PDHX: variants seen among roughly 807,000 people sequenced by gnomAD.
PDHX encodes the protein pyruvate dehydrogenase protein X component, mitochondrial.
PDHX carries 33 observed loss-of-function variants against 55.3 expected under a neutral mutation model. The ratio of observed to expected loss-of-function variants is 0.60; its 90% CI spans 0.45 to 0.80. PDHX has a LOEUF of 0.80. PDHX is among the 30% of genes least tolerant of loss of function. The probability of loss-of-function intolerance (pLI) is 0.00; values close to 1 mark genes in which losing one functional copy is unlikely to be tolerated. For missense variants in PDHX, 622 were observed against 619.9 expected (o/e 1.00, Z -0.04); for synonymous variants, 226 against 219.4 (o/e 1.03, Z -0.27).
intron 5 of PDHX, among the ~76,000 whole-genome samples, chr11:34,963,439 G>A (rs965577380): frequency 1.3e-5 from 2 of 152,022 alleles, no homozygotes; most frequent in Non-Finnish European, 2.9e-5. Context: ...ACCATGCCTG[G>A]CTAAATTTTT....
chr11:34,916,586 A>T, upstream of PDHX: 1 of 1,583,262 alleles, frequency 6.3e-7, no homozygotes, highest in South Asian at 1.1e-5. Flanking sequence ...GTGGCCAACC[A>T]TGCGGGAGGC....
rs2134006138 is a variant in PDHX, at chr11:34,992,345, T to C, written c.1213T>C (p.Leu405=). The C allele has an allele frequency of 6.2e-7, 1 of 1,604,160 alleles. No individual in the cohort carries two copies. Among genetic ancestry groups the C allele is most frequent in the Non-Finnish European group, 8.5e-7 (1 of 1,171,516 alleles). ...ALSKKARDGK[L]LPEEYQGGSF... The stretch of plus-strand genomic sequence containing the variant: ...ATCAAAGAAAGCAAGAGATGGAAAA[T>C]TGTTGCCTGAAGAATACCAAGGAGG... Residue 405 remains leucine, a synonymous_variant, in exon 10 of 11, where the codon TTG becomes CTG. Coordinates refer to ENST00000227868, the MANE Select transcript of PDHX (RefSeq NM_003477.3).
intron 5 of PDHX, among the ~76,000 whole-genome samples, chr11:34,961,174 G>A (rs1448974284): frequency 6.6e-6 from 1 of 152,144 alleles, no homozygotes; most frequent in Non-Finnish European, 1.5e-5. Flanking sequence ...GGAGTGAGGG[G>A]TATTTTTATG....
At chr11:34,916,557 A>G, upstream of PDHX, 1 of 1,527,542 alleles carries the variant, frequency 6.5e-7, no homozygotes, top group Non-Finnish European at 8.8e-7. Context: ...ACCTAAAGGC[A>G]CCGCTAGCGT....
At chr11:34,974,597 C>T (rs1855326622) in intron 7 of PDHX, among the ~76,000 whole-genome samples, 1 of 152,120 alleles carries the variant, frequency 6.6e-6, no homozygotes, top group Non-Finnish European at 1.5e-5. Flanking sequence ...ATACTGTTTT[C>T]CTTAGTGGCT....
chr11:34,931,395 C>G lies in PDHX; in HGVS notation c.161-9C>G, dbSNP rs1487428635. ...GTTGTGGCTCATCTTTCCTTTTTTT[C>G]AATTTCAGGTGATCCCATTAAGATA... On this transcript the variant is annotated splice_polypyrimidine_tract_variant and intron_variant, in intron 1 of 10. Transcript: ENST00000227868. 1.3e-6 allele frequency: 2 copies of G among 1,538,112 alleles called. No individual in the cohort carries two copies.
intron 1 of PDHX, among the ~76,000 whole-genome samples, chr11:34,920,064 A>G (rs557520661): frequency 6.6e-6 from 1 of 152,304 alleles, no homozygotes; most frequent in African/African-American, 2.4e-5. Flanking sequence ...TTCTTAGAGG[A>G]AGAGGTGACA....
rs1005465158 is a variant in PDHX, at chr11:34,991,928, A to C, written c.1183-387A>C. ...TCTCAAAAAAAAAAAAAAAAAAAAA[A>C]CTAAAAAACACTAGATTGACCAGAA... On this transcript the variant is annotated intron_variant, in intron 9 of 10. Transcript: ENST00000227868. Among the ~76,000 whole-genome samples, 3 of 149,472 alleles carry C rather than the reference A, an allele frequency of 2.0e-5. No individual in the cohort carries two copies. In the South Asian group the frequency reaches 6.3e-4, roughly 31 times the overall value.
chr11:34,964,870 A>C (rs1855097120), intron 5 of PDHX, among the ~76,000 whole-genome samples: 1 of 140,024 alleles, frequency 7.1e-6, no homozygotes, highest in African/African-American at 3.3e-5. Flanking sequence ...GCATAACTAA[A>C]TATTACATAT....
At chr11:34,974,227 G>A (rs11032958) in intron 7 of PDHX, among the ~76,000 whole-genome samples, 15,322 of 152,082 alleles carry the variant, frequency 0.1, 1,623 homozygotes, top group African/African-American at 0.27. Context: ...CTATAAATTT[G>A]ATGATTCTAA....
At chr11:34,945,428 G>A (rs1485133818) in intron 2 of PDHX, among the ~76,000 whole-genome samples, 1 of 152,034 alleles carries the variant, frequency 6.6e-6, no homozygotes, top group Non-Finnish European at 1.5e-5. Context: ...TTTAATAGGT[G>A]GTAAAATTTC....
Position 34,957,578 on chromosome 11 carries a change from A to T in PDHX, c.537A>T (p.Thr179=), listed in dbSNP as rs766725538. 22 of 1,610,976 alleles carry T rather than the reference A, an allele frequency of 1.4e-5. No homozygotes were observed. Among genetic ancestry groups the T allele is most frequent in the Non-Finnish European group, 1.7e-5 (20 of 1,177,176 alleles). ...IPVKKEHIPG[T]LRFRLSPAAR... ...TCAAGAAGGAACACATACCCGGGAC[A>T]CTACGGTGAGTATATATTTATTCAA... is the stretch of plus-strand genomic sequence containing the variant. Residue 179 remains threonine (T), a synonymous_variant, in exon 4 of 11, where the codon ACA becomes ACT. Transcript: ENST00000227868.
intron 2 of PDHX, among the ~76,000 whole-genome samples, chr11:34,938,425 T>A (rs531608600): frequency 1.3e-5 from 2 of 152,358 alleles, no homozygotes; most frequent in South Asian, 4.1e-4. Context: ...GCATGGCTGC[T>A]GCTATCTTTT....
rs1238235716 is a variant in PDHX, at chr11:34,966,629, C to T, written c.642-11C>T. 8 of 1,613,904 alleles carry T rather than the reference C, an allele frequency of 5.0e-6. No homozygotes were observed. Among genetic ancestry groups the T allele is most frequent in the South Asian group, 4.4e-5 (4 of 91,074 alleles). On this transcript the variant is annotated splice_polypyrimidine_tract_variant and intron_variant, in intron 5 of 10. Coordinates refer to ENST00000227868, the MANE Select transcript of PDHX (RefSeq NM_003477.3). ...GCTAATTATGGTTATCTACTTTGCT[C>T]TTATTTCCAGGGATGCTCTCAAACT...
chr11:34,980,468 A>C (rs1387912815), intron 8 of PDHX, among the ~76,000 whole-genome samples: 1 of 150,272 alleles, frequency 6.7e-6, no homozygotes, highest in Non-Finnish European at 1.5e-5. Flanking sequence ...TTTTAATGCA[A>C]CTTTGACCGT....
chr11:34,982,089 T>C (rs1011431535), intron 8 of PDHX, among the ~76,000 whole-genome samples: 40 of 152,252 alleles, frequency 2.6e-4, no homozygotes, highest in African/African-American at 9.4e-4. Context: ...GCCTGTGTTC[T>C]GAATGGTATT....
intron 1 of PDHX, among the ~76,000 whole-genome samples, chr11:34,928,662 G>A (rs1854083813): frequency 6.6e-6 from 1 of 152,142 alleles, no homozygotes; most frequent in Admixed American, 6.5e-5. Context: ...ATCTCCAAAT[G>A]CATTCAGTGT....
chr11:34,938,825 T>C (rs1854399957), intron 2 of PDHX, among the ~76,000 whole-genome samples: 1 of 152,256 alleles, frequency 6.6e-6, no homozygotes, highest in African/African-American at 2.4e-5. Flanking sequence ...TACAATATGC[T>C]ATTTTCATGT....
At chr11:34,965,642 G>A (rs914570042) in intron 5 of PDHX, among the ~76,000 whole-genome samples, 7 of 152,030 alleles carry the variant, frequency 4.6e-5, no homozygotes, top group African/African-American at 1.7e-4. Flanking sequence ...GTACACCAGG[G>A]GCAGGAATAT....
Sources: allele counts gnomAD v4.1 joint callset (sites outside exome capture counted in the v4.1 genomes callset), GRCh38; gene constraint gnomAD v4.1.1; transcripts MANE v1.5; gene names NCBI Gene and HGNC (gene_info 2026-07-23, HGNC 2026-07-21).